Variants in SELENOI observed in about 807,000 individuals in gnomAD.
The protein encoded by SELENOI is selenoprotein I.
In SELENOI, 24 loss-of-function variants were observed where a neutral mutation model predicts 50.7. That is an observed-to-expected ratio of 0.47 (90% CI 0.34 to 0.67). The LOEUF is 0.67. SELENOI is among the 30% of genes least tolerant of loss of function. SELENOI has a pLI of 0.01. For synonymous variants in SELENOI, 155 were observed against 170.2 expected (o/e 0.91, Z 0.70); for missense variants, 352 against 461.4 (o/e 0.76, Z 2.17).
intron 4 of SELENOI, among the ~76,000 whole-genome samples, chr2:26,371,480 A>G (rs1176512278): frequency 6.6e-6 from 1 of 151,956 alleles, no homozygotes; most frequent in African/African-American, 2.4e-5. Context: ...AGAGGCTGCA[A>G]TCTTGGCACT....
intron 2 of SELENOI, 60 bp downstream of exon 2, chr2:26,364,430 T>C: frequency 1.8e-6 from 2 of 1,105,862 alleles, no homozygotes; most frequent in Non-Finnish European, 2.7e-6. Context: ...TTTTAACCTA[T>C]TTTATGGAGT....
At chr2:26,365,089 G>A in intron 3 of SELENOI, 149 bp downstream of exon 3, 1 of 551,192 alleles carries the variant, frequency 1.8e-6, no homozygotes, top group South Asian at 3.2e-5. Context: ...TAGATATGTT[G>A]TCTAAAAAGC....
At chr2:26,370,558 GCCACCGGGCAGAGGCGCC>G (rs1677397196) in intron 4 of SELENOI, among the ~76,000 whole-genome samples, 1 of 105,982 alleles carries the variant, frequency 9.4e-6, no homozygotes, top group Admixed American at 8.6e-5. Context: ...CCCAGTAGGG[GCCACCGGGCAGAGGCGCC>G]CCTCACCTCC....
intron 1 of SELENOI, 116 bp downstream of exon 1, chr2:26,346,405 G>C (rs1054586407): frequency 2.1e-5 from 27 of 1,301,578 alleles, no homozygotes; most frequent in Admixed American, 6.2e-5. Context: ...GCGGGCTGGC[G>C]GGCGTTCCTC....
chr2:26,378,648 T>C (rs1284654701), intron 6 of SELENOI, among the ~76,000 whole-genome samples: 1 of 152,246 alleles, frequency 6.6e-6, no homozygotes, highest in East Asian at 1.9e-4. Context: ...CTCAGAGTTG[T>C]TCCCCAGTGT....
intron 7 of SELENOI, among the ~76,000 whole-genome samples, chr2:26,384,359 G>C (rs931168342): frequency 6.6e-6 from 1 of 152,164 alleles, no homozygotes; most frequent in Non-Finnish European, 1.5e-5. Flanking sequence ...TAACAACGAG[G>C]CTCTCATTGG....
intron 7 of SELENOI, among the ~76,000 whole-genome samples, chr2:26,384,007 TGCTCAGGTGGA>T (rs1258670448): frequency 4.6e-5 from 7 of 152,248 alleles, no homozygotes; most frequent in African/African-American, 1.7e-4. Context: ...AGAAGGGAGA[TGCTCAGGTGGA>T]GTTTCATTTC....
intron 6 of SELENOI, among the ~76,000 whole-genome samples, chr2:26,376,243 T>G (rs1677565089): frequency 6.6e-6 from 1 of 152,210 alleles, no homozygotes. Flanking sequence ...TTGGGCTTTT[T>G]TCTGTAGCTC....
Position 26,348,512 on chromosome 2 carries a change from A to G in SELENOI, c.57+2223A>G, listed in dbSNP as rs145769406. ...AATTAGGTTTCTGAAGCAGGAAACT[A>G]TAAGACAATTGATTTTTGGTATGGA... is the stretch of plus-strand genomic sequence containing the variant. On this transcript the variant is annotated intron_variant, in intron 1 of 9. Coordinates refer to ENST00000260585, the MANE Select transcript of SELENOI (RefSeq NM_033505.4). Among the ~76,000 whole-genome samples, 42 of 152,384 alleles carry G rather than the reference A, an allele frequency of 2.8e-4. 1 individual carries two copies. The highest frequency in any genetic ancestry group is 2.4e-3 in the Admixed American group (36 of 15,310).
At chr2:26,348,814 TA>T (rs35849622) in intron 1 of SELENOI, among the ~76,000 whole-genome samples, 2,182 of 142,124 alleles carry the variant, frequency 0.015, 44 homozygotes, top group African/African-American at 0.046. Flanking sequence ...GAAGTATGGT[TA>T]AAAAAAAAAA....
intron 4 of SELENOI, among the ~76,000 whole-genome samples, chr2:26,370,016 C>A (rs1160928387): frequency 6.7e-6 from 1 of 149,868 alleles, no homozygotes; most frequent in African/African-American, 2.5e-5. Context: ...CCTTCCGCAG[C>A]GTTTGTGTCC....
Position 26,378,436 on chromosome 2 carries a change from A to T in SELENOI, c.682+3288A>T, listed in dbSNP as rs552923930. Reference sequence around the variant, plus strand: ...GGTCTCCGATTTGCTTGCTTAGTTTAGCATCCACCCAGGAATCTGGGCAGA... The same window carrying T: ...GGTCTCCGATTTGCTTGCTTAGTTTTGCATCCACCCAGGAATCTGGGCAGA... On this transcript the variant is annotated intron_variant, in intron 6 of 9. Transcript: ENST00000260585. Among the ~76,000 whole-genome samples, 8 of 152,292 alleles carry T rather than the reference A, an allele frequency of 5.3e-5. 1 individual carries two copies. Among genetic ancestry groups the T allele is most frequent in the African/African-American group, 1.9e-4 (8 of 41,558 alleles).
intron 3 of SELENOI, among the ~76,000 whole-genome samples, chr2:26,366,427 A>C (rs1454518425): frequency 6.6e-6 from 1 of 152,184 alleles, no homozygotes; most frequent in Non-Finnish European, 1.5e-5. Flanking sequence ...AAGATTATTT[A>C]CTTAGCTATT....
chr2:26,394,666 A>G lies in SELENOI; in HGVS notation c.*5563A>G, dbSNP rs754028509. ...TGGGTGTTTTTTTTTTTAAAGTAGC[A>G]TTTTCTCTGGGTAAAGGGAAAGGCA... On this transcript the variant is annotated 3_prime_UTR_variant, in exon 10 of 10. Coordinates refer to ENST00000260585, the MANE Select transcript of SELENOI (RefSeq NM_033505.4). The surrounding 1 kb of genome is among the most constrained non-coding windows in gnomAD (Gnocchi z 4.1). 1 of 151,662 alleles carries G rather than the reference A, an allele frequency of 6.6e-6. No individual in the cohort carries two copies. The highest frequency in any genetic ancestry group is 2.4e-5 in the African/African-American group (1 of 41,260). 9.4% of individuals were successfully genotyped at this position (151,662 alleles called of 1,614,324 possible). A position where few individuals can be genotyped will look rare whatever the true frequency, so the allele number is the denominator to read the frequency against.
intron 1 of SELENOI, chr2:26,346,883 A>G (rs1181776232): frequency 6.6e-6 from 1 of 152,242 alleles, no homozygotes; most frequent in Non-Finnish European, 1.5e-5. Context: ...ACCTGATTAC[A>G]AAAGTCAGAT....
rs201951283 is a variant in SELENOI at position 26,364,306 on chromosome 2, G to A, written c.62G>A (p.Ser21Asn). The A allele has an allele frequency of 2.8e-4, 429 of 1,551,812 alleles. 3 individuals carry two copies. Among genetic ancestry groups the A allele is most frequent in the Non-Finnish European group, 3.5e-4 (404 of 1,143,668 alleles). Residue 21 changes from serine (S) to asparagine (N), a missense_variant, in exon 2 of 10, where the codon AGT becomes AAT. Coordinates refer to ENST00000260585, the MANE Select transcript of SELENOI (RefSeq NM_033505.4). Reference sequence around the variant, plus strand: ...TTTTCTTTCATTTCTTAACAGTACAGTGCTGTGGATACCAATCCACTTTCT... The same window carrying A: ...TTTTCTTTCATTTCTTAACAGTACAATGCTGTGGATACCAATCCACTTTCT... ...QLAGFDKYKY[S>N]AVDTNPLSLY...
chr2:26,363,109 C>T (rs1326389242), intron 1 of SELENOI, among the ~76,000 whole-genome samples: 4 of 152,284 alleles, frequency 2.6e-5, no homozygotes, highest in South Asian at 2.1e-4. Context: ...TCTTCCTGTG[C>T]GTGTTTATGC....
chr2:26,347,244 C>G (rs1235538681), intron 1 of SELENOI, among the ~76,000 whole-genome samples: 1 of 152,126 alleles, frequency 6.6e-6, no homozygotes, highest in Non-Finnish European at 1.5e-5. Context: ...CTTAAATGTG[C>G]GCTCTGTTCG....
chr2:26,354,574 G>A (rs1053038139), intron 1 of SELENOI, among the ~76,000 whole-genome samples: 2 of 149,856 alleles, frequency 1.3e-5, no homozygotes. Context: ...TTTTTTTTTA[G>A]TAGAGACGGG....
Sources: allele counts gnomAD v4.1 joint callset (sites outside exome capture counted in the v4.1 genomes callset), GRCh38; gene constraint gnomAD v4.1.1; non-coding constraint Gnocchi (gnomAD v3.1); transcripts MANE v1.5; gene names NCBI Gene and HGNC (gene_info 2026-07-23, HGNC 2026-07-21).